MATN2: variants seen among roughly 807,000 people sequenced by gnomAD.
The protein encoded by MATN2 is matrilin 2, also known as matrilin-2.
In MATN2, 69 loss-of-function variants were observed where a neutral mutation model predicts 103.2. That is an observed-to-expected ratio of 0.67 (90% CI 0.55 to 0.82). The LOEUF is 0.82. Among genes scored for constraint, MATN2 ranks in the 40% least tolerant of loss-of-function variants. The probability of loss-of-function intolerance (pLI) is 0.00; values close to 1 mark genes in which losing one functional copy is unlikely to be tolerated. For missense variants in MATN2, 1,023 were observed against 1,211.5 expected (o/e 0.84, Z 2.31); for synonymous variants, 429 against 450.2 (o/e 0.95, Z 0.60).
intron 6 of MATN2, among the ~76,000 whole-genome samples, chr8:97,993,922 A>T (rs941185150): frequency 6.6e-6 from 1 of 152,112 alleles, no homozygotes; most frequent in Non-Finnish European, 1.5e-5. Context: ...ATGAATCAAG[A>T]CAAGGAAAGC....
intron 15 of MATN2, 55 bp from the exon 16 acceptor site, chr8:98,032,191 C>A: frequency 7.0e-7 from 1 of 1,431,000 alleles, no homozygotes; most frequent in Non-Finnish European, 9.7e-7. Flanking sequence ...TCCTGAAGAA[C>A]ACACACATGC....
At chr8:97,987,980 T>G (rs144800782) in intron 6 of MATN2, among the ~76,000 whole-genome samples, 1 of 150,978 alleles carries the variant, frequency 6.6e-6, no homozygotes, top group Non-Finnish European at 1.5e-5. Flanking sequence ...ATTACTAATA[T>G]CAGGAATGAG....
chr8:97,919,771 G>C (rs899201477), intron 2 of MATN2, among the ~76,000 whole-genome samples: 1 of 152,182 alleles, frequency 6.6e-6, no homozygotes, highest in South Asian at 2.1e-4. Context: ...CACTAGGCCG[G>C]GTACTAGGGA....
At chr8:98,010,554 G>A (rs1056668263) in intron 10 of MATN2, among the ~76,000 whole-genome samples, 8 of 152,196 alleles carry the variant, frequency 5.3e-5, no homozygotes, top group African/African-American at 1.7e-4. Context: ...GTGGACTGCC[G>A]TGACCCCTAA....
chr8:97,994,315 A>G (rs975685902), intron 6 of MATN2, among the ~76,000 whole-genome samples, 165 bp from the exon 7 acceptor site: 1 of 152,064 alleles, frequency 6.6e-6, no homozygotes, highest in African/African-American at 2.4e-5. Flanking sequence ...GAGAGGCCAT[A>G]TCTCTAAACA....
At position 97,880,537 on chromosome 8, in the gene MATN2, G is replaced by T. The variant is rs139320970; in HGVS notation, c.-26-7538G>T. Among the ~76,000 whole-genome samples, 197 of 152,264 alleles carry T rather than the reference G, an allele frequency of 1.3e-3. 2 individuals carry two copies. Among genetic ancestry groups the T allele is most frequent in the African/African-American group, 4.0e-3 (166 of 41,546 alleles). On this transcript the variant is annotated intron_variant, in intron 1 of 18. Transcript: ENST00000254898. Reference sequence around the variant, plus strand: ...TGTTTTTCCTTGGAAAGTAAGAAATGATGTAATGCATGTCTCTCAATTAAT... The same window carrying T: ...TGTTTTTCCTTGGAAAGTAAGAAATTATGTAATGCATGTCTCTCAATTAAT...
rs752968585 is a variant in MATN2 at position 98,027,492 on chromosome 8, C to T, written c.2019C>T (p.Val673=). The change falls in exon 14 of 19, where the codon GTC becomes GTT. Residue 673 remains valine (V), a synonymous_variant. Transcript: ENST00000254898. ...SKSLGEENFE[V]VKQFVTGIID... ...GTCTTGGAGAAGAGAATTTTGAGGT[C>T]GTGAAGCAGTTTGTCACTGGAATTA... 1.6e-4 allele frequency: 251 copies of T among 1,613,816 alleles called. No homozygotes were observed. Among genetic ancestry groups the T allele is most frequent in the Admixed American group, 1.3e-3 (76 of 59,990 alleles).
chr8:98,000,072 G>T (rs1168237883), intron 7 of MATN2, among the ~76,000 whole-genome samples: 3 of 151,266 alleles, frequency 2.0e-5, no homozygotes, highest in Non-Finnish European at 4.4e-5. Flanking sequence ...GTAGAGGTGG[G>T]CTTTCACCAT....
chr8:97,988,219 C>CATATATATATATATAT (rs60086528), intron 6 of MATN2, among the ~76,000 whole-genome samples: 1 of 124,350 alleles, frequency 8.0e-6, no homozygotes, highest in African/African-American at 3.2e-5. Context: ...TACACACATA[C>CATATATATATATATAT]ATATATATAT....
At chr8:97,973,713 G>A (rs990797145) in intron 5 of MATN2, among the ~76,000 whole-genome samples, 2 of 151,808 alleles carry the variant, frequency 1.3e-5, no homozygotes, top group African/African-American at 4.8e-5. Context: ...TGGACCACAG[G>A]TGCATGCCAC....
At chr8:97,880,540 G>A (rs1471615808) in intron 1 of MATN2, among the ~76,000 whole-genome samples, 2 of 152,170 alleles carry the variant, frequency 1.3e-5, no homozygotes, top group Non-Finnish European at 2.9e-5. Flanking sequence ...AAGAAATGAT[G>A]TAATGCATGT....
chr8:98,028,593 C>CTT (rs201005613), intron 14 of MATN2, among the ~76,000 whole-genome samples: 12 of 146,828 alleles, frequency 8.2e-5, no homozygotes, highest in African/African-American at 2.7e-4. Flanking sequence ...TTGAAAACTG[C>CTT]TTTTTTTTTT....
Position 97,899,135 on chromosome 8 carries a change from G to A in MATN2, c.142+10893G>A, listed in dbSNP as rs111806187. 5.1e-4 allele frequency among the ~76,000 whole-genome samples: 77 copies of A among 152,174 alleles called. 1 individual carries two copies. The highest frequency in any genetic ancestry group is 1.8e-3 in the African/African-American group (73 of 41,512). On this transcript the variant is annotated intron_variant, in intron 2 of 18. Transcript: ENST00000254898. ...ACTCATCTTTCAGGTCTCAGTGGAA[G>A]CGCTTCTAATCTTCTAGGTTGGGAT...
chr8:98,000,665 T>C (rs529250688), intron 7 of MATN2, among the ~76,000 whole-genome samples: 13 of 151,226 alleles, frequency 8.6e-5, no homozygotes, highest in Admixed American at 6.6e-4. Flanking sequence ...GTTATGTTTG[T>C]AAAGTGGTTG....
chr8:97,918,107 T>A lies in MATN2; in HGVS notation c.143-12846T>A, dbSNP rs572540676. On this transcript the variant is annotated intron_variant, in intron 2 of 18. Coordinates refer to ENST00000254898, the MANE Select transcript of MATN2 (RefSeq NM_002380.5). The stretch of plus-strand genomic sequence containing the variant: ...CAGTCTCAAAAAAAGGAAAAAGTTT[T>A]TAGAAAGTTTTAGAAATACTAATTT... 8.5e-5 allele frequency among the ~76,000 whole-genome samples: 13 copies of A among 152,240 alleles called. No individual in the cohort carries two copies. The East Asian group carries it at 2.3e-3, about 27-fold the overall frequency.
chr8:98,015,858 G>A (rs1813341416), intron 10 of MATN2, among the ~76,000 whole-genome samples: 1 of 152,150 alleles, frequency 6.6e-6, no homozygotes, highest in Non-Finnish European at 1.5e-5. Context: ...CTGGCTCATT[G>A]CAGGGACTCA....
At chr8:98,017,403 A>G (rs1016210690) in intron 11 of MATN2, among the ~76,000 whole-genome samples, 7 of 152,246 alleles carry the variant, frequency 4.6e-5, no homozygotes, top group Non-Finnish European at 8.8e-5. Context: ...GTAAATCTCA[A>G]GACACATCTC....
At chr8:97,973,445 T>G (rs200619338) in intron 5 of MATN2, among the ~76,000 whole-genome samples, 2 of 152,136 alleles carry the variant, frequency 1.3e-5, no homozygotes, top group South Asian at 2.1e-4. Flanking sequence ...AAACTATATA[T>G]GCAAACCCAC....
intron 18 of MATN2, 61 bp downstream of exon 18, chr8:98,033,720 A>T (rs778645916): frequency 9.2e-7 from 1 of 1,086,302 alleles, no homozygotes; most frequent in South Asian, 1.3e-5. Flanking sequence ...AAAACTTCAC[A>T]CACTCTATGT....
Sources: gnomAD v4.1 joint callset for allele counts (sites outside exome capture counted in the v4.1 genomes callset) on GRCh38, gnomAD v4.1.1 for gene constraint, MANE v1.5 for transcripts, NCBI Gene and HGNC (gene_info 2026-07-23, HGNC 2026-07-21) for gene names.